CAPN5: variants seen among roughly 807,000 people sequenced by gnomAD.
CAPN5 encodes the protein calpain 5, also known as calpain-5.
In CAPN5, 54 loss-of-function variants were observed where a neutral mutation model predicts 73.0. The observed-to-expected ratio is 0.74, with a 90% CI of 0.59 to 0.93. The LOEUF (loss-of-function observed/expected upper bound fraction) is 0.93, where lower values mean the gene tolerates loss of function less well. Among genes scored for constraint, CAPN5 ranks in the 40% least tolerant of loss-of-function variants. The pLI is 0.00. For synonymous variants in CAPN5, 335 were observed against 356.9 expected, an observed-to-expected ratio of 0.94 and a Z score of 0.69; for missense variants, 785 against 882.9, an observed-to-expected ratio of 0.89 and a Z score of 1.41.
At chr11:77,118,859 A>AG (rs1366315085) in intron 8 of CAPN5, among the ~76,000 whole-genome samples, 171 bp from the exon 9 acceptor site, 2 of 152,226 alleles carry the variant, frequency 1.3e-5, no homozygotes, top group Non-Finnish European at 2.9e-5. Flanking sequence ...GCCTTCATGC[A>AG]GGGTAGCCAT....
At chr11:77,122,821 G>A in intron 12 of CAPN5, 109 bp downstream of exon 12, 1 of 1,410,004 alleles carries the variant, frequency 7.1e-7, no homozygotes, top group South Asian at 1.3e-5. Flanking sequence ...CAGGCATGCT[G>A]GGCTCTAGCT....
chr11:77,111,219 C>G (rs1326482765), intron 3 of CAPN5, among the ~76,000 whole-genome samples: 2 of 152,118 alleles, frequency 1.3e-5, no homozygotes, highest in Admixed American at 6.5e-5. Context: ...AGACTGGGAG[C>G]CTTTTGAGGG....
chr11:77,072,577 T>A (rs1555033240), intron 1 of CAPN5, among the ~76,000 whole-genome samples: 1 of 152,190 alleles, frequency 6.6e-6, no homozygotes. Flanking sequence ...GACTTTGACA[T>A]GGGACAGGTT....
At chr11:77,077,144 G>A (rs1949979645) in intron 1 of CAPN5, among the ~76,000 whole-genome samples, 1 of 152,118 alleles carries the variant, frequency 6.6e-6, no homozygotes, top group Non-Finnish European at 1.5e-5. Flanking sequence ...ATCACCTGAG[G>A]TCAGGAGTTT....
intron 1 of CAPN5, among the ~76,000 whole-genome samples, chr11:77,079,464 A>G (rs1336051425): frequency 1.3e-5 from 2 of 152,202 alleles, no homozygotes; most frequent in African/African-American, 4.8e-5. Context: ...TGCAACAACA[A>G]TTTGTTCATT....
intron 11 of CAPN5, among the ~76,000 whole-genome samples, chr11:77,122,330 G>A (rs1950527924): frequency 6.6e-6 from 1 of 152,198 alleles, no homozygotes; most frequent in African/African-American, 2.4e-5. Context: ...CCTGATGAAA[G>A]GGGGTAAGGG....
intron 6 of CAPN5, 49 bp downstream of exon 6, chr11:77,115,637 A>G (rs781880150): frequency 5.3e-6 from 8 of 1,514,760 alleles, no homozygotes; most frequent in Non-Finnish European, 7.2e-6. Flanking sequence ...GGGCTTGGAC[A>G]AGGACGGGTG....
In CAPN5 at chr11:77,114,425, C is replaced by T. The variant is rs1555041337; in HGVS notation, c.690C>T (p.Ala230=). The change falls in exon 5 of 13, where the codon GCC becomes GCT. Residue 230 remains alanine (A), a synonymous_variant. Coordinates refer to ENST00000648180, the MANE Select transcript of CAPN5 (RefSeq NM_004055.5). ...ACAGCCGGGGCGGCCTCATCAGTGC[C>T]TCCATCAAGGTGAGAACACGGCAGT... The part of the protein sequence containing the change: ...KVHSRGGLIS[A]SIKAVTAADM... The T allele has an allele frequency of 6.2e-7, 1 of 1,614,094 alleles. No individual in the cohort carries two copies. Among genetic ancestry groups the T allele is most frequent in the Non-Finnish European group, 8.5e-7 (1 of 1,179,962 alleles).
Position 77,079,404 on chromosome 11 carries a change from T to A in CAPN5, c.-35-5448T>A, listed in dbSNP as rs1013552265. On this transcript the variant is annotated intron_variant, in intron 1 of 12. Transcript: ENST00000648180. The stretch of plus-strand genomic sequence containing the variant: ...ATTTTATTTAAATAGAATCATGTAA[T>A]ATTGCTTCTTTTGCTTAATATGCTT... 3.0e-4 allele frequency among the ~76,000 whole-genome samples: 45 copies of A among 152,236 alleles called. 1 individual carries two copies. Among genetic ancestry groups the A allele is most frequent in the African/African-American group, 1.1e-3 (45 of 41,456 alleles).
intron 1 of CAPN5, among the ~76,000 whole-genome samples, chr11:77,068,195 GTC>G (rs1383516089): frequency 6.6e-6 from 1 of 152,172 alleles, no homozygotes; most frequent in Non-Finnish European, 1.5e-5. Flanking sequence ...TGTCCCCAGG[GTC>G]TGGGGGTGGG....
chr11:77,089,637 G>A (rs529818424), intron 2 of CAPN5, among the ~76,000 whole-genome samples: 1 of 152,328 alleles, frequency 6.6e-6, no homozygotes, highest in Non-Finnish European at 1.5e-5. Context: ...GTGAAGGAAG[G>A]ATGGCTTTGT....
intron 3 of CAPN5, among the ~76,000 whole-genome samples, chr11:77,105,591 G>A (rs572011639): frequency 2.0e-5 from 3 of 152,266 alleles, no homozygotes; most frequent in African/African-American, 4.8e-5. Flanking sequence ...GGTGAGGTCC[G>A]GCCTGTGCCT....
At chr11:77,103,284 G>A (rs1555039295) in intron 3 of CAPN5, 1 of 1,612,872 alleles carries the variant, frequency 6.2e-7, no homozygotes, top group Non-Finnish European at 8.5e-7. Flanking sequence ...TGGCGAGGGT[G>A]TGGAGCCCGC....
rs569903378 is a variant in CAPN5 at position 77,099,706 on chromosome 11, G to A, written c.297+5893G>A. Among the ~76,000 whole-genome samples, 1,325 of 150,588 alleles carry A rather than the reference G, an allele frequency of 8.8e-3. 15 individuals carry two copies. The highest frequency in any genetic ancestry group is 0.031 in the African/African-American group (1,263 of 41,060). ...TTCGGCTCCACATGAGAGGGAGACCGTGGGGAGAGGGAGAGGGAGACGGAG... is the reference window on the plus strand; with the variant it reads ...TTCGGCTCCACATGAGAGGGAGACCATGGGGAGAGGGAGAGGGAGACGGAG... On this transcript the variant is annotated intron_variant, in intron 3 of 12. Transcript: ENST00000648180.
chr11:77,083,017 G>A (rs1187440257), intron 1 of CAPN5, among the ~76,000 whole-genome samples: 5 of 152,180 alleles, frequency 3.3e-5, no homozygotes, highest in East Asian at 1.9e-4. Context: ...CCTGAAGCCC[G>A]GAAGCTGGCT....
At chr11:77,114,190 G>A in intron 4 of CAPN5, 52 bp from the exon 5 acceptor site, 2 of 1,561,862 alleles carry the variant, frequency 1.3e-6, no homozygotes, top group Non-Finnish European at 8.8e-7. Flanking sequence ...GGTAAAGGAT[G>A]CAGCCTGGCT....
At chr11:77,074,173 C>A (rs1555033594) in intron 1 of CAPN5, among the ~76,000 whole-genome samples, 1 of 152,234 alleles carries the variant, frequency 6.6e-6, no homozygotes, top group Non-Finnish European at 1.5e-5. Context: ...GGAGTTTCTG[C>A]CCTTTCTAGT....
At chr11:77,097,471 T>TTTG (rs1337407278) in intron 3 of CAPN5, among the ~76,000 whole-genome samples, 1 of 136,914 alleles carries the variant, frequency 7.3e-6, no homozygotes, top group Non-Finnish European at 1.5e-5. Context: ...CTAGTTTTTT[T>TTTG]TTTTTTTTTT....
intron 1 of CAPN5, among the ~76,000 whole-genome samples, chr11:77,083,396 T>C (rs1331580517): frequency 6.6e-6 from 1 of 152,078 alleles, no homozygotes; most frequent in African/African-American, 2.4e-5. Context: ...TCAGCCACGG[T>C]GTGTGGGGAG....
Sources: allele counts gnomAD v4.1 joint callset (sites outside exome capture counted in the v4.1 genomes callset), GRCh38; gene constraint gnomAD v4.1.1; transcripts MANE v1.5; gene names NCBI Gene and HGNC (gene_info 2026-07-23, HGNC 2026-07-21).